HS1BP3: variants seen among roughly 807,000 people sequenced by gnomAD.
The protein encoded by HS1BP3 is HCLS1 binding protein 3.
In HS1BP3, 32 loss-of-function variants were observed where a neutral mutation model predicts 33.5. The observed-to-expected ratio is 0.95, with a 90% CI of 0.72 to 1.28. The LOEUF is 1.28. HS1BP3 is among the 50% of genes most tolerant of loss of function. The pLI is 0.00. For missense variants in HS1BP3, 486 were observed against 502.3 expected, an observed-to-expected ratio of 0.97 and a Z score of 0.31; for synonymous variants, 187 against 209.2, an observed-to-expected ratio of 0.89 and a Z score of 0.92.
At chr2:20,574,676 C>T (rs928449013) in intron 5 of HS1BP3, among the ~76,000 whole-genome samples, 9 of 152,228 alleles carry the variant, frequency 5.9e-5, no homozygotes, top group African/African-American at 1.9e-4. Context: ...GCCAGCCCCA[C>T]TCAGTGGGCA....
intron 6 of HS1BP3, among the ~76,000 whole-genome samples, chr2:20,620,832 G>C (rs1694575084): frequency 6.6e-6 from 1 of 152,250 alleles, no homozygotes; most frequent in Non-Finnish European, 1.5e-5. Flanking sequence ...GTGGGCATAA[G>C]ACACAGAAAA....
At chr2:20,601,307 A>G (rs1315401426) in intron 2 of HS1BP3, among the ~76,000 whole-genome samples, 2 of 152,224 alleles carry the variant, frequency 1.3e-5, no homozygotes. Flanking sequence ...ATAAACCATC[A>G]GTATCAGTAT....
At chr2:20,555,161 T>TCCCCA in the HS1BP3 span, among the ~76,000 whole-genome samples, 5 of 152,240 alleles carry the variant, frequency 3.3e-5, no homozygotes, top group Admixed American at 6.5e-5. Flanking sequence ...ACTTAATGTT[T>TCCCCA]CTTGACTTTC....
intron 2 of HS1BP3, among the ~76,000 whole-genome samples, chr2:20,608,054 T>G (rs1446251189): frequency 1.3e-5 from 2 of 152,252 alleles, no homozygotes; most frequent in East Asian, 3.8e-4. Context: ...TTTTGTAGTG[T>G]GTATAGAAAT....
At chr2:20,622,664 C>T (rs1171655707) in intron 6 of HS1BP3, 3 of 236,632 alleles carry the variant, frequency 1.3e-5, no homozygotes, top group Admixed American at 9.2e-5. Flanking sequence ...AAAGGTCCCA[C>T]GAGAGCCACC....
chr2:20,650,858 G>T (rs1182602846), intron 1 of HS1BP3, among the ~76,000 whole-genome samples, 174 bp downstream of exon 1: 1 of 152,158 alleles, frequency 6.6e-6, no homozygotes, highest in Non-Finnish European at 1.5e-5. Context: ...GTAAATCGGG[G>T]TCGCCACCTC....
intron 5 of HS1BP3, among the ~76,000 whole-genome samples, chr2:20,581,244 C>T (rs1390652722): frequency 1.3e-5 from 2 of 152,184 alleles, no homozygotes; most frequent in African/African-American, 4.8e-5. Context: ...CCGAAGCCTT[C>T]CATTTATCTC....
chr2:20,635,511 T>C (rs1026948948), intron 4 of HS1BP3: 1 of 152,234 alleles, frequency 6.6e-6, no homozygotes, highest in Admixed American at 6.5e-5. Context: ...AATTTTTCTA[T>C]ACTAATTGTG....
intron 5 of HS1BP3, among the ~76,000 whole-genome samples, chr2:20,583,385 C>G (rs1195133004): frequency 1.4e-5 from 2 of 140,696 alleles, no homozygotes; most frequent in African/African-American, 6.5e-5. Flanking sequence ...GGGCAGCTTA[C>G]TGGGTTATCA....
chr2:20,624,617 A>T, intron 5 of HS1BP3, 115 bp downstream of exon 5: 1 of 990,656 alleles, frequency 1.0e-6, no homozygotes, highest in Non-Finnish European at 1.5e-6. Flanking sequence ...ATCACATCTA[A>T]ACAGGACAGG....
intron 5 of HS1BP3, among the ~76,000 whole-genome samples, chr2:20,573,369 TA>T (rs1693320768): frequency 6.6e-6 from 1 of 152,178 alleles, no homozygotes; most frequent in Non-Finnish European, 1.5e-5. Context: ...CTCTCCTCTT[TA>T]ACCATGGGGT....
downstream of HS1BP3, among the ~76,000 whole-genome samples, chr2:20,557,566 A>G (rs749525484): frequency 1.4e-4 from 22 of 152,202 alleles, no homozygotes; most frequent in Non-Finnish European, 2.9e-4. Flanking sequence ...ACATTTCTAT[A>G]GCATTTGGAT....
intron 2 of HS1BP3, among the ~76,000 whole-genome samples, chr2:20,599,127 C>T (rs1030147927): frequency 1.1e-4 from 16 of 152,224 alleles, no homozygotes; most frequent in African/African-American, 2.9e-4. Flanking sequence ...CTGGTGGAAA[C>T]GTGTCTATTC....
chr2:20,638,730 C>T (rs1173727390), intron 3 of HS1BP3, 78 bp from the exon 4 acceptor site: 1 of 1,141,794 alleles, frequency 8.8e-7, no homozygotes, highest in East Asian at 2.4e-5. Flanking sequence ...ACTGCACCCT[C>T]CCATGCCAGG....
At chr2:20,633,508 T>C (rs990005414) in intron 4 of HS1BP3, among the ~76,000 whole-genome samples, 1 of 152,216 alleles carries the variant, frequency 6.6e-6, no homozygotes, top group Non-Finnish European at 1.5e-5. Flanking sequence ...AGTAATCTGT[T>C]TTTTTGTTTG....
rs753997770 is a variant in HS1BP3, at chr2:20,641,107, G to T, written c.272C>A (p.Pro91His). The T allele has an allele frequency of 2.5e-6, 4 of 1,613,518 alleles. No homozygotes were observed. The African/African-American group carries it at 5.3e-5, about 22-fold the overall frequency. The change falls in exon 3 of 7, where the codon CCC becomes CAC. Residue 91 changes from proline (P) to histidine (H), a missense_variant. Coordinates refer to ENST00000304031, the MANE Select transcript of HS1BP3 (RefSeq NM_022460.4). ...LSSRYAAASL[P>H]PLPRKVLFVG... Reference sequence around the variant, plus strand: ...AAACAGGACCTTCCTGGGTAGTGGGGGGAGGCTGGCTGCTGCATAACGACT... The same window carrying T: ...AAACAGGACCTTCCTGGGTAGTGGGTGGAGGCTGGCTGCTGCATAACGACT...
intron 2 of HS1BP3, among the ~76,000 whole-genome samples, chr2:20,599,607 G>A (rs1351414527): frequency 1.8e-5 from 2 of 109,538 alleles, no homozygotes; most frequent in Non-Finnish European, 3.7e-5. Context: ...GACTTCTTGT[G>A]TAACACACAC....
At chr2:20,605,287 G>A (rs1029971529) in intron 2 of HS1BP3, among the ~76,000 whole-genome samples, 3 of 152,064 alleles carry the variant, frequency 2.0e-5, no homozygotes, top group Admixed American at 6.5e-5. Context: ...CTTGCTTCAT[G>A]CCTTCCATCC....
At chr2:20,641,231 C>G in intron 2 of HS1BP3, 51 bp from the exon 3 acceptor site, 1 of 1,528,192 alleles carries the variant, frequency 6.5e-7, no homozygotes, top group Non-Finnish European at 8.9e-7. Flanking sequence ...GCAGGCAGTG[C>G]TCCTTTCTCA....
Sources: gnomAD v4.1 joint callset for allele counts (sites outside exome capture counted in the v4.1 genomes callset) on GRCh38, gnomAD v4.1.1 for gene constraint, MANE v1.5 for transcripts, NCBI Gene and HGNC (gene_info 2026-07-23, HGNC 2026-07-21) for gene names.